The following RASSF3 variants were observed in gnomAD, a reference collection of about 807,000 sequenced individuals.
The protein encoded by RASSF3 is ras association domain-containing protein 3.
In RASSF3, 19 loss-of-function variants were observed where a neutral mutation model predicts 19.9. The ratio of observed to expected loss-of-function variants is 0.96; its 90% CI spans 0.67 to 1.40. The LOEUF is 1.40. Ranked by LOEUF, RASSF3 falls within the 40% of genes most tolerant of loss-of-function variation. The probability of loss-of-function intolerance (pLI) is 0.00; values close to 1 mark genes in which losing one functional copy is unlikely to be tolerated. For missense variants in RASSF3, 306 were observed against 289.8 expected (o/e 1.06, Z -0.41); for synonymous variants, 110 against 104.2 (o/e 1.06, Z -0.34).
chr12:64,586,979 T>C lies in RASSF3; in HGVS notation c.294+45274T>C, dbSNP rs1217406161. On this transcript the variant is annotated intron_variant, in intron 2 of 5. Coordinates refer to the RASSF3 transcript ENST00000637125. ...TACCCCAAACTACTCAGCTCATAAG[T>C]CAAATGCTCTATCTCCAAGTTGATA... Among the ~76,000 whole-genome samples, 5 of 151,550 alleles carry C rather than the reference T, an allele frequency of 3.3e-5. No individual in the cohort carries two copies. In the South Asian group the frequency reaches 1.0e-3, roughly 32 times the overall value.
downstream of RASSF3, among the ~76,000 whole-genome samples, chr12:64,543,443 T>TCCCCGCCCGCCCCCCCGCTCCCC (rs1592395537): frequency 3.5e-4 from 1 of 2,878 alleles, no homozygotes; most frequent in Non-Finnish European, 1.1e-3. Flanking sequence ...GCCCCCCCCG[T>TCCCCGCCCGCCCCCCCGCTCCCC]GCCCGCCCGC....
intron 2 of RASSF3, among the ~76,000 whole-genome samples, chr12:64,687,048 G>A (rs544695247): frequency 1.4e-4 from 21 of 152,058 alleles, no homozygotes; most frequent in Admixed American, 4.6e-4. Flanking sequence ...GTGTAATGGC[G>A]TAATCTCGTA....
At chr12:64,546,409 T>G (rs1203805857), downstream of RASSF3, among the ~76,000 whole-genome samples, 1 of 152,116 alleles carries the variant, frequency 6.6e-6, no homozygotes, top group Non-Finnish European at 1.5e-5. Context: ...TAACTGGGAC[T>G]ACAGGCGCCT....
chr12:64,593,762 T>C (rs1045690057), intron 2 of RASSF3, among the ~76,000 whole-genome samples: 1 of 151,998 alleles, frequency 6.6e-6, no homozygotes, highest in African/African-American at 2.4e-5. Flanking sequence ...TCCTTTTTAT[T>C]TGAAGGGTCA....
intron 1 of RASSF3, among the ~76,000 whole-genome samples, chr12:64,682,566 CAAAA>C (rs549058845): frequency 3.7e-5 from 3 of 81,342 alleles, no homozygotes; most frequent in Non-Finnish European, 5.4e-5. Context: ...GACTCCGTCT[CAAAA>C]AAAAAAAAAA....
intron 2 of RASSF3, among the ~76,000 whole-genome samples, chr12:64,592,943 G>A (rs776829291): frequency 1.3e-5 from 2 of 151,908 alleles, no homozygotes; most frequent in African/African-American, 2.4e-5. Context: ...CATGACTGGC[G>A]TTTGCTCTTC....
chr12:64,655,757 T>G (rs1319665710), intron 1 of RASSF3, among the ~76,000 whole-genome samples: 3 of 152,120 alleles, frequency 2.0e-5, no homozygotes, highest in Non-Finnish European at 4.4e-5. Flanking sequence ...CCGGGTGCAG[T>G]AGCTCACGCC....
At chr12:64,524,929 G>A (rs1868553951) in intron 1 of RASSF3, among the ~76,000 whole-genome samples, 1 of 152,128 alleles carries the variant, frequency 6.6e-6, no homozygotes, top group Non-Finnish European at 1.5e-5. Context: ...TCTTAGAGTT[G>A]TGAAAATATT....
chr12:64,580,392 A>G (rs1038844854), intron 2 of RASSF3, among the ~76,000 whole-genome samples: 1 of 152,130 alleles, frequency 6.6e-6, no homozygotes, highest in African/African-American at 2.4e-5. Context: ...ACAAAGTTCC[A>G]CAAACTCGGT....
intron 2 of RASSF3, among the ~76,000 whole-genome samples, chr12:64,578,893 C>T (rs970276354): frequency 6.6e-6 from 1 of 152,138 alleles, no homozygotes; most frequent in Non-Finnish European, 1.5e-5. Flanking sequence ...GCCTGTAATC[C>T]CAGCACTTTA....
chr12:64,635,016 A>T (rs1005298272), intron 1 of RASSF3, among the ~76,000 whole-genome samples: 2 of 150,674 alleles, frequency 1.3e-5, no homozygotes, highest in African/African-American at 2.4e-5. Context: ...TCCAGGCTGA[A>T]ATACAGTGGT....
intron 2 of RASSF3, 52 bp downstream of exon 2, chr12:64,684,946 A>G (rs1268765798): frequency 2.9e-6 from 3 of 1,048,146 alleles, no homozygotes; most frequent in Non-Finnish European, 4.5e-6. Flanking sequence ...GACAAATATA[A>G]ATTGTTGGTA....
intron 1 of RASSF3, among the ~76,000 whole-genome samples, chr12:64,636,290 T>C (rs1462886915): frequency 6.6e-6 from 1 of 152,020 alleles, no homozygotes. Flanking sequence ...AATTTTTATA[T>C]TTTTATTAGA....
intron 1 of RASSF3, among the ~76,000 whole-genome samples, chr12:64,538,765 C>T (rs910796882): frequency 5.3e-5 from 8 of 152,046 alleles, no homozygotes; most frequent in African/African-American, 1.5e-4. Context: ...AAATTGGGGC[C>T]GGGTGCCATG....
intron 2 of RASSF3, among the ~76,000 whole-genome samples, chr12:64,549,233 C>T (rs142419053): frequency 4.3e-4 from 66 of 152,254 alleles, no homozygotes; most frequent in Non-Finnish European, 8.7e-4. Flanking sequence ...TACAGAAGAC[C>T]GGGTGCAGTG....
chr12:64,660,936 TC>T (rs1288032850), intron 1 of RASSF3, among the ~76,000 whole-genome samples: 1 of 152,160 alleles, frequency 6.6e-6, no homozygotes, highest in African/African-American at 2.4e-5. Context: ...CGAGCTTTCC[TC>T]CGAATCTGTG....
intron 1 of RASSF3, among the ~76,000 whole-genome samples, chr12:64,674,170 A>G (rs1872797697): frequency 6.6e-6 from 1 of 152,194 alleles, no homozygotes. Context: ...ATGCACATGG[A>G]TAACAGAAGT....
chr12:64,580,575 A>AAC (rs201737911), intron 2 of RASSF3, among the ~76,000 whole-genome samples: 49,614 of 141,200 alleles, frequency 0.35, 8,779 homozygotes, highest in Non-Finnish European at 0.41. Flanking sequence ...TTTTTAGGAA[A>AAC]ACACACACAC....
In RASSF3 at chr12:64,583,472, A is replaced by C. The variant is rs559702355; in HGVS notation, c.294+41767A>C. Reference sequence around the variant, plus strand: ...CTTCATCTCTACTAAAAATACAAAAATTAGCCAGGCATGGTAGCGTGCGCC... The same window carrying C: ...CTTCATCTCTACTAAAAATACAAAACTTAGCCAGGCATGGTAGCGTGCGCC... On this transcript the variant is annotated intron_variant, in intron 2 of 5. Coordinates refer to the RASSF3 transcript ENST00000637125. 3.9e-5 allele frequency among the ~76,000 whole-genome samples: 6 copies of C among 152,252 alleles called. No individual in the cohort carries two copies. The East Asian group carries it at 1.2e-3, about 29-fold the overall frequency.
Sources: allele counts gnomAD v4.1 joint callset (sites outside exome capture counted in the v4.1 genomes callset), GRCh38; gene constraint gnomAD v4.1.1; transcripts MANE v1.5; gene names NCBI Gene and HGNC (gene_info 2026-07-23, HGNC 2026-07-21).